The following NCOA2 variants were observed in gnomAD, a reference collection of about 807,000 sequenced individuals.
NCOA2 encodes nuclear receptor coactivator 2.
NCOA2 carries 21 observed loss-of-function variants against 145.1 expected under a neutral mutation model. The ratio of observed to expected loss-of-function variants is 0.14; its 90% confidence interval spans 0.10 to 0.21. NCOA2 has a LOEUF of 0.21. Ranked by LOEUF, NCOA2 falls within the 10% of genes least tolerant of loss-of-function variation. The pLI is 1.00. For synonymous variants in NCOA2, 619 were observed against 637.5 expected (o/e 0.97, Z 0.44); for missense variants, 1,472 against 1,837.6 (o/e 0.80, Z 3.64).
intron 1 of NCOA2, among the ~76,000 whole-genome samples, chr8:70,306,611 G>A (rs1228814168): frequency 6.6e-6 from 1 of 152,194 alleles, no homozygotes; most frequent in Admixed American, 6.5e-5. Context: ...CGGGCTCAGT[G>A]GCTTATGTCT....
At chr8:70,180,487 T>C (rs1025081792) in intron 4 of NCOA2, among the ~76,000 whole-genome samples, 2 of 152,142 alleles carry the variant, frequency 1.3e-5, no homozygotes, top group Non-Finnish European at 2.9e-5. Flanking sequence ...TACCACAAAC[T>C]GGGGAAAAAT....
In NCOA2 at chr8:70,230,259, T is replaced by C. The variant is rs1258189027; in HGVS notation, c.-19-13495A>G. Among the ~76,000 whole-genome samples, 3 of 152,224 alleles carry C rather than the reference T, an allele frequency of 2.0e-5. No homozygotes were observed. In the East Asian group the frequency reaches 5.8e-4, roughly 29 times the overall value. On this transcript the variant is annotated intron_variant, in intron 2 of 22. Transcript: ENST00000452400. ...ATTGTATGGCTGCATTTATATGAAATGTCCAAAATAAGCAGATCCGTAGAA... is the reference window on the plus strand; with the variant it reads ...ATTGTATGGCTGCATTTATATGAAACGTCCAAAATAAGCAGATCCGTAGAA...
chr8:70,161,708 C>T (rs932993620), intron 9 of NCOA2, among the ~76,000 whole-genome samples: 2 of 152,068 alleles, frequency 1.3e-5, no homozygotes, highest in African/African-American at 2.4e-5. Flanking sequence ...TTTTTTTCTG[C>T]AAGGATGCAG....
At chr8:70,168,378 G>A (rs544280496) in intron 6 of NCOA2, among the ~76,000 whole-genome samples, 8 of 152,272 alleles carry the variant, frequency 5.3e-5, no homozygotes, top group African/African-American at 1.9e-4. Flanking sequence ...GAGTGCAGTG[G>A]CGTGATCTTG....
intron 4 of NCOA2, among the ~76,000 whole-genome samples, chr8:70,211,524 C>A (rs1819026830): frequency 6.6e-6 from 1 of 152,014 alleles, no homozygotes; most frequent in African/African-American, 2.4e-5. Context: ...TACTGAACAT[C>A]TACTATGACA....
chr8:70,380,178 ATAAT>A (rs1480771484), intron 1 of NCOA2, among the ~76,000 whole-genome samples: 1 of 152,218 alleles, frequency 6.6e-6, no homozygotes, highest in African/African-American at 2.4e-5. Flanking sequence ...TAAAGAATGA[ATAAT>A]TAATTATATG....
Position 70,156,762 on chromosome 8 carries a change from T to C in NCOA2, c.1603A>G (p.Asn535Asp), listed in dbSNP as rs1298792477. ...CCCTCGCTGAGGGCCTGAAGTGCAT[T>C]GAGGGAGCTGTTGGTATAACTATGG... ...NSHSYTNSSL[N>D]ALQALSEGHG... Residue 535 changes from asparagine (N) to aspartate (D), a missense_variant, in exon 11 of 23, where the codon AAT (asparagine) becomes GAT (aspartate). By Grantham distance (23) the Asn-to-Asp change is conservative (BLOSUM62 1). This residue lies in a region of NCOA2 where 953 missense variants were observed against 1,062.1 expected (regional missense o/e 0.90). Coordinates refer to ENST00000452400, the MANE Select transcript of NCOA2 (RefSeq NM_006540.4). 1.9e-6 allele frequency: 3 copies of C among 1,613,834 alleles called. No individual in the cohort carries two copies. In the Admixed American group the frequency reaches 5.0e-5, roughly 27 times the overall value.
At chr8:70,170,602 G>A (rs1563563456) in intron 5 of NCOA2, among the ~76,000 whole-genome samples, 1 of 152,088 alleles carries the variant, frequency 6.6e-6, no homozygotes, top group Non-Finnish European at 1.5e-5. Context: ...CTAGACTAGG[G>A]TTTCTTGTCA....
chr8:70,381,080 A>G (rs541033506), intron 1 of NCOA2, among the ~76,000 whole-genome samples: 1 of 152,142 alleles, frequency 6.6e-6, no homozygotes, highest in Admixed American at 6.5e-5. Context: ...TCAAAAAAAA[A>G]AAAAAATGCC....
At position 70,111,257 on chromosome 8, in the gene NCOA2, T is replaced by C. The variant is rs1258984688; in HGVS notation, c.*2375A>G. On this transcript the variant is annotated 3_prime_UTR_variant, in exon 23 of 23. Coordinates refer to ENST00000452400, the MANE Select transcript of NCOA2 (RefSeq NM_006540.4). Reference sequence around the variant, plus strand: ...GGGCAGATGGATAAAAAAGAAGAGATAGGTAGATAGTTTTGGACGGTGTTG... The same window carrying C: ...GGGCAGATGGATAAAAAAGAAGAGACAGGTAGATAGTTTTGGACGGTGTTG... 4.4e-6 allele frequency: 1 copy of C among 226,178 alleles called. No homozygotes were observed. Among genetic ancestry groups the C allele is most frequent in the African/African-American group, 2.2e-5 (1 of 44,980 alleles). The allele number at this position is 226,178 out of a possible 1,614,324, so 14.0% of individuals were successfully genotyped here.
intron 12 of NCOA2, 111 bp downstream of exon 12, chr8:70,148,162 C>A: frequency 1.9e-6 from 2 of 1,059,308 alleles, no homozygotes; most frequent in Non-Finnish European, 1.4e-6. Flanking sequence ...GCTATTTGAT[C>A]ACAAAAACCT....
chr8:70,147,364 C>T (rs1212383141), intron 12 of NCOA2, among the ~76,000 whole-genome samples: 1 of 152,124 alleles, frequency 6.6e-6, no homozygotes, highest in Non-Finnish European at 1.5e-5. Flanking sequence ...AAAGACCTAG[C>T]AATGAAAGAT....
chr8:70,113,714 C>CA lies in NCOA2; in HGVS notation c.4384-72dup, dbSNP rs1806762932. ...GAAAAAAACATCATAAAGCCCACCA[C>CA]AAAAACATCAAAATTCCTGACTGTT... is the stretch of plus-strand genomic sequence containing the variant. On this transcript the variant is annotated intron_variant, in intron 22 of 22. Coordinates refer to ENST00000452400, the MANE Select transcript of NCOA2 (RefSeq NM_006540.4). The CA allele has an allele frequency of 8.0e-6, 11 of 1,379,194 alleles. No individual in the cohort carries two copies. The South Asian group carries it at 8.7e-5, about 11-fold the overall frequency. The allele number at this position is 1,379,194 out of a possible 1,614,324, so 85.4% of individuals were successfully genotyped here.
the NCOA2 span, among the ~76,000 whole-genome samples, chr8:70,446,200 C>G: frequency 6.6e-6 from 1 of 152,204 alleles, no homozygotes; most frequent in Non-Finnish European, 1.5e-5. Context: ...CCCAAAGCGG[C>G]ACTTCAATTC....
intron 1 of NCOA2, among the ~76,000 whole-genome samples, chr8:70,326,475 A>ATG (rs1467520334): frequency 1.2e-4 from 18 of 149,044 alleles, no homozygotes; most frequent in Admixed American, 6.0e-4. Context: ...ACACACATGC[A>ATG]CACACACACA....
intron 1 of NCOA2, among the ~76,000 whole-genome samples, chr8:70,365,906 C>A (rs186847608): frequency 7.2e-5 from 11 of 152,214 alleles, no homozygotes; most frequent in African/African-American, 2.6e-4. Context: ...GAGAGCCAGG[C>A]CCTTAACAAT....
chr8:70,405,661 G>A (rs1814751036), upstream of NCOA2, among the ~76,000 whole-genome samples: 1 of 150,466 alleles, frequency 6.6e-6, no homozygotes, highest in Non-Finnish European at 1.5e-5. Context: ...ATCAGGAGTT[G>A]TGATAATAAA....
chr8:70,175,798 T>C (rs1335378411), intron 4 of NCOA2, among the ~76,000 whole-genome samples: 1 of 152,176 alleles, frequency 6.6e-6, no homozygotes, highest in Non-Finnish European at 1.5e-5. Context: ...ATCGTTGTAA[T>C]TAAACGTAGA....
chr8:70,405,437 G>GTTTTTTTT (rs34814735), upstream of NCOA2, among the ~76,000 whole-genome samples: 595 of 59,382 alleles, frequency 0.01, 110 homozygotes, highest in East Asian at 0.05. Flanking sequence ...ATTTTTAAAG[G>GTTTTTTTT]TTTTTTTTTT....
Sources: gnomAD v4.1 joint callset for allele counts (sites outside exome capture counted in the v4.1 genomes callset) on GRCh38, gnomAD v4.1.1 for gene constraint, gnomAD v4.1.1 regional missense constraint, MANE v1.5 for transcripts, NCBI Gene and HGNC (gene_info 2026-07-23, HGNC 2026-07-21) for gene names.